RPS6KA6: variants seen among roughly 807,000 people sequenced by gnomAD.
The protein encoded by RPS6KA6 is ribosomal protein S6 kinase alpha-6.
A neutral mutation model predicts 65.4 loss-of-function variants in RPS6KA6; 27 were observed. That is an observed-to-expected ratio of 0.41 (90% CI 0.30 to 0.57). RPS6KA6 has a LOEUF of 0.57. RPS6KA6 is among the 20% of genes least tolerant of loss of function. The pLI, the probability that RPS6KA6 is intolerant of heterozygous loss-of-function variation, is 0.24. For missense variants in RPS6KA6, 486 were observed against 555.6 expected (o/e 0.87, Z 1.26); for synonymous variants, 190 against 184.2 (o/e 1.03, Z -0.26).
intron 3 of RPS6KA6, among the ~76,000 whole-genome samples, chrX:84,155,844 A>G (rs113456803): frequency 0.062 from 6,934 of 112,050 alleles, 230 homozygotes; most frequent in East Asian, 0.21. Context: ...TTTTTCCCTC[A>G]AGAAATCAGT....
intron 20 of RPS6KA6, among the ~76,000 whole-genome samples, chrX:84,083,786 G>C (rs886808858): frequency 2.7e-5 from 3 of 111,996 alleles, no homozygotes; most frequent in Non-Finnish European, 3.8e-5. Flanking sequence ...AGTTCACTGA[G>C]GAAACACCAC....
intron 20 of RPS6KA6, among the ~76,000 whole-genome samples, chrX:84,074,894 T>C (rs1413389056): frequency 9.0e-6 from 1 of 111,462 alleles, no homozygotes; most frequent in Non-Finnish European, 1.9e-5. Flanking sequence ...GTTATTATAA[T>C]TGTATTCCTG....
At chrX:84,073,900 G>A (rs1032468569) in intron 20 of RPS6KA6, among the ~76,000 whole-genome samples, 16 of 110,743 alleles carry the variant, frequency 1.4e-4, no homozygotes, top group African/African-American at 4.3e-4. Context: ...TAAAGAAATG[G>A]GAAATGCGCT....
intron 20 of RPS6KA6, among the ~76,000 whole-genome samples, chrX:84,069,958 G>A: frequency 8.9e-6 from 1 of 111,866 alleles, no homozygotes; most frequent in Non-Finnish European, 1.9e-5. Context: ...TTACACTGTT[G>A]GTGGGAGTGT....
chrX:84,110,940 C>A (rs2034457887), intron 12 of RPS6KA6, among the ~76,000 whole-genome samples: 3 of 106,221 alleles, frequency 2.8e-5, no homozygotes, highest in African/African-American at 1.0e-4. Context: ...CAAACACATA[C>A]AAACAAACAC....
At chrX:84,070,384 C>T (rs1001726135) in intron 20 of RPS6KA6, among the ~76,000 whole-genome samples, 10 of 109,729 alleles carry the variant, frequency 9.1e-5, no homozygotes, top group Non-Finnish European at 1.7e-4. Flanking sequence ...TTAAAAACTG[C>T]GGCCTGTCGG....
intron 20 of RPS6KA6, among the ~76,000 whole-genome samples, chrX:84,072,098 A>C (rs2033556774): frequency 8.9e-6 from 1 of 111,865 alleles, no homozygotes; most frequent in Non-Finnish European, 1.9e-5. Flanking sequence ...AACTGTTCTA[A>C]CCAGACAAGA....
At chrX:84,117,345 AT>A in intron 10 of RPS6KA6, 38 bp downstream of exon 10, 6 of 932,530 alleles carry the variant, frequency 6.4e-6, no homozygotes, top group Non-Finnish European at 8.8e-6. Context: ...AAAGCAAGAG[AT>A]TTTTTTCCCA....
At chrX:84,162,175 C>T (rs762417488) in intron 2 of RPS6KA6, among the ~76,000 whole-genome samples, 1 of 109,830 alleles carries the variant, frequency 9.1e-6, no homozygotes, top group Non-Finnish European at 1.9e-5. Flanking sequence ...AACCTGTTAC[C>T]TAATACTTAC....
chrX:84,167,185 T>C (rs1324771184), intron 1 of RPS6KA6, among the ~76,000 whole-genome samples: 1 of 111,838 alleles, frequency 8.9e-6, no homozygotes, highest in Non-Finnish European at 1.9e-5. Flanking sequence ...TAAGAAATCA[T>C]GGAGACCAGA....
At chrX:84,165,055 C>G (rs1198802205) in intron 1 of RPS6KA6, among the ~76,000 whole-genome samples, 1 of 111,081 alleles carries the variant, frequency 9.0e-6, no homozygotes, top group Non-Finnish European at 1.9e-5. Context: ...TAGAACACAG[C>G]CAGACCCATT....
chrX:84,159,860 C>G (rs1219692567), intron 2 of RPS6KA6, among the ~76,000 whole-genome samples: 1 of 110,335 alleles, frequency 9.1e-6, no homozygotes, highest in African/African-American at 3.3e-5. Context: ...AGAATACCTA[C>G]ACCTACAGAG....
intron 6 of RPS6KA6, among the ~76,000 whole-genome samples, chrX:84,140,851 CCA>C (rs1257087812): frequency 9.3e-6 from 1 of 107,786 alleles, no homozygotes; most frequent in African/African-American, 3.4e-5. Flanking sequence ...AAGAAAGAAC[CCA>C]CTCAGCTCAC....
rs2033341839 is a variant in RPS6KA6 at position 84,063,822 on chromosome X, A to G, written c.*455T>C. On this transcript the variant is annotated 3_prime_UTR_variant, in exon 22 of 22. Coordinates refer to ENST00000262752, the MANE Select transcript of RPS6KA6 (RefSeq NM_014496.5). ...TTTTACGGAATAACAAGCTTTTATAATAAGTTTTTGTTGTTTTTCTTTCAT... is the reference window on the plus strand; with the variant it reads ...TTTTACGGAATAACAAGCTTTTATAGTAAGTTTTTGTTGTTTTTCTTTCAT... The G allele has an allele frequency of 8.9e-6, 1 of 112,238 alleles. No homozygotes were observed. Among genetic ancestry groups the G allele is most frequent in the African/African-American group, 3.2e-5 (1 of 30,833 alleles). The allele number at this position is 112,238 out of a possible 1,213,427, so 9.2% of individuals were successfully genotyped here. A position where few individuals can be genotyped will look rare whatever the true frequency, so the allele number is the denominator to read the frequency against.
At chrX:84,105,754 G>T in intron 16 of RPS6KA6, 33 bp downstream of exon 16, 2 of 830,155 alleles carry the variant, frequency 2.4e-6, no homozygotes, top group Admixed American at 2.6e-5. Context: ...AACTTCATTA[G>T]CTTAGCTGAT....
chrX:84,079,292 A>G (rs925253925), intron 20 of RPS6KA6, among the ~76,000 whole-genome samples: 2 of 111,267 alleles, frequency 1.8e-5, no homozygotes, highest in Non-Finnish European at 3.8e-5. Context: ...ACCAGATACT[A>G]TAATTTTCCC....
intron 14 of RPS6KA6, 100 bp downstream of exon 14, chrX:84,106,810 G>A: frequency 1.5e-6 from 1 of 675,401 alleles, no homozygotes; most frequent in East Asian, 3.6e-5. Flanking sequence ...GATAAACAAA[G>A]AAGTTAAAAA....
intron 2 of RPS6KA6, among the ~76,000 whole-genome samples, chrX:84,158,431 C>T (rs1462030912): frequency 9.1e-6 from 1 of 110,122 alleles, no homozygotes; most frequent in Non-Finnish European, 1.9e-5. Flanking sequence ...AATATATATA[C>T]CCACGATTTC....
chrX:84,181,412 T>C (rs144615838), intron 1 of RPS6KA6, among the ~76,000 whole-genome samples: 1,386 of 111,875 alleles, frequency 0.012, 21 homozygotes, highest in African/African-American at 0.043. Context: ...AGCAAGAACA[T>C]ACAGGGCAGT....
Sources: allele counts gnomAD v4.1 joint callset (sites outside exome capture counted in the v4.1 genomes callset), GRCh38; gene constraint gnomAD v4.1.1; transcripts MANE v1.5; gene names NCBI Gene and HGNC (gene_info 2026-07-23, HGNC 2026-07-21).